Variants in HS6ST2 observed in about 807,000 individuals in gnomAD.
HS6ST2 encodes heparan-sulfate 6-O-sulfotransferase 2.
In HS6ST2, 17 loss-of-function variants were observed where a neutral mutation model predicts 33.0. That is an observed-to-expected ratio of 0.52 (90% CI 0.35 to 0.77). HS6ST2 has a LOEUF of 0.77. Among genes scored for constraint, HS6ST2 ranks in the 30% least tolerant of loss-of-function variants. The probability of loss-of-function intolerance (pLI) is 0.01; values close to 1 mark genes in which losing one functional copy is unlikely to be tolerated. For synonymous variants in HS6ST2, 248 were observed against 237.1 expected (o/e 1.05, Z -0.42); for missense variants, 519 against 551.7 (o/e 0.94, Z 0.59).
chrX:132,944,585 G>A (rs1360473244), intron 2 of HS6ST2, among the ~76,000 whole-genome samples: 5 of 111,375 alleles, frequency 4.5e-5, no homozygotes, highest in East Asian at 5.6e-4. Context: ...GAGGCATCAC[G>A]CTACCTGACT....
chrX:132,863,810 A>G (rs890558841), intron 2 of HS6ST2, among the ~76,000 whole-genome samples: 2 of 111,913 alleles, frequency 1.8e-5, no homozygotes, highest in Admixed American at 1.9e-4. Flanking sequence ...AACAAGAACC[A>G]CTTATCTTCA....
chrX:132,881,828 C>T (rs1279633191), intron 2 of HS6ST2, among the ~76,000 whole-genome samples: 1 of 111,870 alleles, frequency 8.9e-6, no homozygotes, highest in East Asian at 2.8e-4. Flanking sequence ...GATCCAGTTT[C>T]AGCTTTCTAC....
chrX:132,900,880 A>G (rs894407670), intron 2 of HS6ST2, among the ~76,000 whole-genome samples: 1 of 111,430 alleles, frequency 9.0e-6, no homozygotes, highest in African/African-American at 3.3e-5. Context: ...CAAAAGTACT[A>G]AGATGTCACT....
intron 2 of HS6ST2, among the ~76,000 whole-genome samples, chrX:132,825,925 T>A (rs1370140563): frequency 8.9e-6 from 1 of 112,193 alleles, no homozygotes; most frequent in African/African-American, 3.2e-5. Flanking sequence ...CCACATGAAC[T>A]GCTTGTTCTC....
At chrX:132,828,491 T>G (rs1348554124) in intron 2 of HS6ST2, among the ~76,000 whole-genome samples, 1 of 107,719 alleles carries the variant, frequency 9.3e-6, no homozygotes, top group African/African-American at 3.4e-5. Context: ...ACCAAAGCCA[T>G]GGCAATCTCC....
chrX:132,637,002 G>C (rs2063554421), intron 4 of HS6ST2, among the ~76,000 whole-genome samples: 1 of 112,342 alleles, frequency 8.9e-6, no homozygotes, highest in African/African-American at 3.2e-5. Flanking sequence ...AAGTTAAGTA[G>C]GTGTGTTCAG....
intron 2 of HS6ST2, among the ~76,000 whole-genome samples, chrX:132,830,149 G>C (rs917730822): frequency 4.5e-5 from 5 of 111,647 alleles, no homozygotes; most frequent in African/African-American, 1.6e-4. Context: ...TCAGGTAATT[G>C]GTATCAAGCC....
intron 2 of HS6ST2, among the ~76,000 whole-genome samples, chrX:132,742,731 A>G (rs1421589183): frequency 4.4e-5 from 5 of 112,762 alleles, no homozygotes; most frequent in Non-Finnish European, 7.5e-5. Context: ...TCCACAAGTC[A>G]CACATGTATA....
At chrX:132,755,574 T>C (rs2064750874) in intron 2 of HS6ST2, among the ~76,000 whole-genome samples, 1 of 111,513 alleles carries the variant, frequency 9.0e-6, no homozygotes, top group African/African-American at 3.3e-5. Flanking sequence ...AAAGTTTAAC[T>C]GGAACCAAGG....
intron 3 of HS6ST2, chrX:132,669,804 C>G (rs1371015128): frequency 3.6e-5 from 4 of 112,586 alleles, no homozygotes; most frequent in Non-Finnish European, 7.5e-5. Flanking sequence ...TATGTCAAAC[C>G]TTGGAAACAA....
intron 2 of HS6ST2, among the ~76,000 whole-genome samples, chrX:132,894,833 G>A (rs1287457992): frequency 2.7e-5 from 3 of 112,110 alleles, no homozygotes; most frequent in Admixed American, 1.9e-4. Flanking sequence ...ACTGAGCCCG[G>A]CCTATTTTTA....
chrX:132,853,331 T>C (rs866135711), intron 2 of HS6ST2, among the ~76,000 whole-genome samples: 3 of 98,272 alleles, frequency 3.1e-5, no homozygotes, highest in African/African-American at 7.8e-5. Flanking sequence ...TTTTTTTTTT[T>C]CTTTTTTTTT....
chrX:132,860,170 C>A (rs894513925), intron 2 of HS6ST2, among the ~76,000 whole-genome samples: 1 of 112,155 alleles, frequency 8.9e-6, no homozygotes. Flanking sequence ...ATCAAATGAG[C>A]TCTGCAAAAT....
At chrX:132,701,439 C>T (rs1229203345) in intron 3 of HS6ST2, among the ~76,000 whole-genome samples, 2 of 112,146 alleles carry the variant, frequency 1.8e-5, no homozygotes, top group Admixed American at 9.5e-5. Flanking sequence ...AACTGCTTTC[C>T]CAAAATCTAG....
intron 2 of HS6ST2, among the ~76,000 whole-genome samples, chrX:132,904,785 C>G (rs992004312): frequency 3.7e-5 from 4 of 108,549 alleles, no homozygotes; most frequent in Non-Finnish European, 7.6e-5. Context: ...ACATTGGCCT[C>G]CCAAAGTGCT....
At chrX:132,915,889 C>T (rs982474995) in intron 2 of HS6ST2, among the ~76,000 whole-genome samples, 17 of 69,894 alleles carry the variant, frequency 2.4e-4, no homozygotes, top group South Asian at 6.7e-4. Flanking sequence ...CCACCACGCC[C>T]GGCTATTTTT....
Position 132,870,505 on chromosome X carries a change from T to C in HS6ST2, c.947+86303A>G, listed in dbSNP as rs372917132. 1.8e-4 allele frequency among the ~76,000 whole-genome samples: 20 copies of C among 111,663 alleles called. No homozygotes were observed. The East Asian group carries it at 2.2e-3, about 12-fold the overall frequency. On this transcript the variant is annotated intron_variant, in intron 2 of 4. Transcript: ENST00000370833. The stretch of plus-strand genomic sequence containing the variant: ...ACAAAGCTGGAGGCATCACGCTACC[T>C]GACTTCAAACTATACTATAAGGCTA...
intron 2 of HS6ST2, among the ~76,000 whole-genome samples, chrX:132,777,905 A>C (rs2064979440): frequency 8.9e-6 from 1 of 112,118 alleles, no homozygotes; most frequent in Non-Finnish European, 1.9e-5. Flanking sequence ...TTGAGAGAAC[A>C]GTTCTCAGTC....
chrX:132,641,245 G>C (rs747550494), intron 4 of HS6ST2, among the ~76,000 whole-genome samples: 11 of 112,697 alleles, frequency 9.8e-5, no homozygotes, highest in Non-Finnish European at 2.1e-4. Flanking sequence ...CCAGGTTTAA[G>C]TGATTCTCCT....
Sources: allele counts gnomAD v4.1 joint callset (sites outside exome capture counted in the v4.1 genomes callset), GRCh38; gene constraint gnomAD v4.1.1; transcripts MANE v1.5; gene names NCBI Gene and HGNC (gene_info 2026-07-23, HGNC 2026-07-21).